Variants in CAMK2B observed in about 807,000 individuals in gnomAD.
CAMK2B encodes the protein calcium/calmodulin-dependent protein kinase type II subunit beta.
In CAMK2B, 27 loss-of-function variants were observed where a neutral mutation model predicts 93.7. The observed-to-expected ratio is 0.29, with a 90% confidence interval of 0.21 to 0.40. The LOEUF (loss-of-function observed/expected upper bound fraction) is 0.40, where lower values mean the gene tolerates loss of function less well. Ranked by LOEUF, CAMK2B falls within the 10% of genes least tolerant of loss-of-function variation. The pLI is 1.00. For synonymous variants in CAMK2B, 374 were observed against 358.8 expected (o/e 1.04, Z -0.48); for missense variants, 568 against 895.8 (o/e 0.63, Z 4.67).
intron 2 of CAMK2B, among the ~76,000 whole-genome samples, chr7:44,269,777 T>C (rs561881681): frequency 1.3e-5 from 2 of 152,182 alleles, no homozygotes; most frequent in African/African-American, 4.8e-5. Flanking sequence ...CCTCTGGAGT[T>C]GTCAGACCCA....
intron 1 of CAMK2B, among the ~76,000 whole-genome samples, chr7:44,292,579 T>G (rs10230849): frequency 0.21 from 31,307 of 152,186 alleles, 3,978 homozygotes; most frequent in Middle Eastern, 0.32. Flanking sequence ...GGTTAGACAG[T>G]GTTTCCTTCC....
At chr7:44,253,601 T>C (rs35950696) in intron 5 of CAMK2B, among the ~76,000 whole-genome samples, 43,839 of 152,026 alleles carry the variant, frequency 0.29, 7,520 homozygotes, top group Non-Finnish European at 0.39. Flanking sequence ...GCCTTATTTA[T>C]GTATTTATTT....
intron 13 of CAMK2B, among the ~76,000 whole-genome samples, chr7:44,235,835 C>G (rs145002541): frequency 2.0e-5 from 3 of 152,218 alleles, no homozygotes; most frequent in Admixed American, 1.3e-4. Context: ...CCTCCCCCAC[C>G]GCCTGGCTCC....
At chr7:44,307,017 GAA>G in intron 1 of CAMK2B, among the ~76,000 whole-genome samples, 2 of 139,200 alleles carry the variant, frequency 1.4e-5, no homozygotes, top group East Asian at 2.3e-4. Context: ...TGAGCAGGAA[GAA>G]GAGGGTGTGA....
At chr7:44,290,954 C>A (rs1030442856) in intron 1 of CAMK2B, among the ~76,000 whole-genome samples, 1 of 152,222 alleles carries the variant, frequency 6.6e-6, no homozygotes, top group African/African-American at 2.4e-5. Flanking sequence ...CCATAACCCA[C>A]AACACGGTCA....
intron 12 of CAMK2B, among the ~76,000 whole-genome samples, chr7:44,240,190 T>C (rs964995552): frequency 3.3e-5 from 5 of 151,350 alleles, no homozygotes; most frequent in African/African-American, 1.2e-4. Context: ...GCCTCAGGGG[T>C]CTATAACAGA....
intron 6 of CAMK2B, chr7:44,244,754 C>G: frequency 3.1e-6 from 1 of 322,826 alleles, no homozygotes; most frequent in South Asian, 2.3e-5. Context: ...CAGCCCCGAG[C>G]TGTGAGCGCC....
chr7:44,264,332 A>G (rs1001144067), intron 2 of CAMK2B, among the ~76,000 whole-genome samples: 8 of 152,168 alleles, frequency 5.3e-5, no homozygotes, highest in African/African-American at 1.9e-4. Context: ...TCTGGGGTTA[A>G]TTCCCCTGGA....
At chr7:44,276,725 A>G (rs2129073968) in intron 2 of CAMK2B, among the ~76,000 whole-genome samples, 1 of 152,264 alleles carries the variant, frequency 6.6e-6, no homozygotes, top group Non-Finnish European at 1.5e-5. Context: ...CGGGCCTGGG[A>G]GGTGAGCCCC....
rs2096593094 is a variant in CAMK2B at position 44,232,926 on chromosome 7, C to T, written c.1132-60G>A. The T allele has an allele frequency of 6.1e-6, 9 of 1,475,350 alleles. No individual in the cohort carries two copies. In the East Asian group the frequency reaches 1.1e-4, roughly 19 times the overall value. The allele number at this position is 1,475,350 out of a possible 1,614,324, so 91.4% of individuals were successfully genotyped here. A position where few individuals can be genotyped will look rare whatever the true frequency, so the allele number is the denominator to read the frequency against. On this transcript the variant is annotated intron_variant, in intron 15 of 23. Transcript: ENST00000395749. ...GAGGGAAAGTGAGAAGAGGAGGAAG[C>T]GGAGACCACCAGGAGGGGAACAGGG... is the stretch of plus-strand genomic sequence containing the variant.
At position 44,247,624 on chromosome 7, in the gene CAMK2B, G is replaced by T. The variant is rs76576593; in HGVS notation, c.342-432C>A. ...CAGGGAAGGGTCAAGGCGGCTGGGG[G>T]TGGGGGCAGGGGGCTGCCCTGGTGT... On this transcript the variant is annotated intron_variant, in intron 5 of 23. Coordinates refer to ENST00000395749, the MANE Select transcript of CAMK2B (RefSeq NM_001220.5). 6.0e-3 allele frequency among the ~76,000 whole-genome samples: 910 copies of T among 151,546 alleles called. 8 individuals carry two copies. The highest frequency in any genetic ancestry group is 0.021 in the African/African-American group (863 of 41,330).
chr7:44,268,322 G>A (rs1350677909), intron 2 of CAMK2B, among the ~76,000 whole-genome samples: 2 of 152,240 alleles, frequency 1.3e-5, no homozygotes, highest in Non-Finnish European at 2.9e-5. Context: ...GGTGGCTGCA[G>A]CCTCTGCTCA....
intron 2 of CAMK2B, among the ~76,000 whole-genome samples, chr7:44,274,509 C>T (rs2097012723): frequency 6.6e-6 from 1 of 152,248 alleles, no homozygotes; most frequent in African/African-American, 2.4e-5. Context: ...TTTCGGGCTT[C>T]CCCGCTCCTG....
At chr7:44,257,573 G>C (rs1181297207) in intron 4 of CAMK2B, among the ~76,000 whole-genome samples, 1 of 152,238 alleles carries the variant, frequency 6.6e-6, no homozygotes, top group Non-Finnish European at 1.5e-5. Flanking sequence ...GTGTGCTGGG[G>C]CACACAGGTG....
intron 2 of CAMK2B, among the ~76,000 whole-genome samples, chr7:44,266,730 C>T (rs931830542): frequency 2.0e-5 from 3 of 152,186 alleles, no homozygotes; most frequent in East Asian, 1.9e-4. Flanking sequence ...AGGACCCCCG[C>T]GGGGCACCCC....
At chr7:44,269,723 C>T (rs968453381) in intron 2 of CAMK2B, among the ~76,000 whole-genome samples, 1 of 152,128 alleles carries the variant, frequency 6.6e-6, no homozygotes, top group African/African-American at 2.4e-5. Flanking sequence ...AGGCACAAGG[C>T]CCACCTGTGT....
Position 44,217,568 on chromosome 7 carries a change from A to G in CAMK2B, c.*1957T>C, listed in dbSNP as rs2096357826. On this transcript the variant is annotated 3_prime_UTR_variant, in exon 24 of 24. Transcript: ENST00000395749. Reference sequence around the variant, plus strand: ...CCGCTGTCCCATGGCCCAGGGAGCCACTGGTGCGGAGCCCGGCAGATGTTT... The same window carrying G: ...CCGCTGTCCCATGGCCCAGGGAGCCGCTGGTGCGGAGCCCGGCAGATGTTT... The G allele has an allele frequency of 6.6e-6, 1 of 152,324 alleles. No individual in the cohort carries two copies. The highest frequency in any genetic ancestry group is 2.1e-4 in the South Asian group (1 of 4,830). The allele number at this position is 152,324 out of a possible 1,614,324, so 9.4% of individuals were successfully genotyped here.
chr7:44,247,051 A>T, intron 6 of CAMK2B, 69 bp downstream of exon 6: 3 of 1,313,948 alleles, frequency 2.3e-6, no homozygotes, highest in East Asian at 2.4e-5. Context: ...CCAGCCCCTC[A>T]CACTTCCTTG....
At chr7:44,276,942 G>A (rs2097050979) in intron 2 of CAMK2B, among the ~76,000 whole-genome samples, 1 of 152,226 alleles carries the variant, frequency 6.6e-6, no homozygotes, top group African/African-American at 2.4e-5. Context: ...GAGGACATGA[G>A]ACAGCGTCGA....
Sources: gnomAD v4.1 joint callset for allele counts (sites outside exome capture counted in the v4.1 genomes callset) on GRCh38, gnomAD v4.1.1 for gene constraint, MANE v1.5 for transcripts, NCBI Gene and HGNC (gene_info 2026-07-23, HGNC 2026-07-21) for gene names.